Variants in PEAK1 observed in about 807,000 individuals in gnomAD.
PEAK1 encodes the protein inactive tyrosine-protein kinase PEAK1.
Under a neutral mutation model 124.7 loss-of-function variants are expected in PEAK1, and 54 were observed. The observed-to-expected ratio is 0.43, with a 90% CI of 0.35 to 0.54. The LOEUF is 0.54. PEAK1 is among the 20% of genes least tolerant of loss of function. The pLI, the probability that PEAK1 is intolerant of heterozygous loss-of-function variation, is 0.01. For missense variants in PEAK1, 2,046 were observed against 2,134.5 expected (o/e 0.96, Z 0.82); for synonymous variants, 719 against 760.0 (o/e 0.95, Z 0.89).
intron 2 of PEAK1, chr15:77,350,896 T>C: frequency 1.0e-6 from 1 of 985,390 alleles, no homozygotes; most frequent in African/African-American, 1.7e-5. Context: ...ACGCAGGCAT[T>C]TACTACAAAC....
intron 5 of PEAK1, chr15:77,255,257 T>C (rs1182382669): frequency 3.1e-6 from 2 of 639,840 alleles, no homozygotes; most frequent in Non-Finnish European, 3.9e-6. Flanking sequence ...ATTAATTATT[T>C]ATTCCTGTGT....
At chr15:77,354,946 G>A (rs942633205) in intron 2 of PEAK1, among the ~76,000 whole-genome samples, 3 of 152,148 alleles carry the variant, frequency 2.0e-5, no homozygotes, top group Middle Eastern at 3.4e-3. Context: ...GGCTGAGGCA[G>A]GAGAATGGCG....
At chr15:77,408,928 G>A (rs1249583021) in intron 1 of PEAK1, among the ~76,000 whole-genome samples, 3 of 152,054 alleles carry the variant, frequency 2.0e-5, no homozygotes, top group East Asian at 1.9e-4. Context: ...AAAATTAGCC[G>A]GATGTGGTGG....
Position 77,181,766 on chromosome 15 carries a change from C to T in PEAK1, c.161G>A (p.Arg54His), listed in dbSNP as rs757569539. The T allele has an allele frequency of 1.5e-5, 24 of 1,613,918 alleles. No individual in the cohort carries two copies. In the East Asian group the frequency reaches 1.8e-4, roughly 12 times the overall value. ...KTNANHSNNH[R>H]IRNTGNFRPP... is the part of the protein sequence containing the mutation. ...CCGGAAATTGCCCGTGTTCCTGATG[C>T]GGTGGTTGTTACTGTGATTGGCATT... The change falls in exon 7 of 10, where the codon CGC becomes CAC. Residue 54 changes from arginine to histidine, a missense_variant. Transcript: ENST00000682557.
rs1343438709 is a variant in PEAK1, at chr15:77,381,291, T to C, written c.-665-16066A>G. 6 of 926,124 alleles carry C rather than the reference T, an allele frequency of 6.5e-6. No homozygotes were observed. In the African/African-American group the frequency reaches 1.1e-4, roughly 17 times the overall value. The allele number at this position is 926,124 out of a possible 1,614,324, so 57.4% of individuals were successfully genotyped here. On this transcript the variant is annotated intron_variant, in intron 1 of 9. Transcript: ENST00000682557. ...ATGGCCAGATGCAGTGATGTGTACT[T>C]GTAGTTCAAGTTACGTGGGAGACTG...
chr15:77,200,920 C>A (rs1430475144), intron 6 of PEAK1, among the ~76,000 whole-genome samples: 1 of 151,952 alleles, frequency 6.6e-6, no homozygotes, highest in East Asian at 1.9e-4. Flanking sequence ...TTAGGTAGTA[C>A]ATATACATAT....
At chr15:77,239,562 C>G (rs1395642480) in intron 6 of PEAK1, among the ~76,000 whole-genome samples, 3 of 152,152 alleles carry the variant, frequency 2.0e-5, no homozygotes, top group Non-Finnish European at 2.9e-5. Context: ...ACAGCATATG[C>G]TTATTAAATG....
chr15:77,351,595 G>T, intron 2 of PEAK1: 1 of 541,894 alleles, frequency 1.8e-6, no homozygotes, highest in Non-Finnish European at 2.4e-6. Flanking sequence ...GAGCCCGTAT[G>T]CTCAGGCCCA....
At chr15:77,264,774 C>A (rs1217253080) in intron 5 of PEAK1, among the ~76,000 whole-genome samples, 1 of 151,864 alleles carries the variant, frequency 6.6e-6, no homozygotes, top group Non-Finnish European at 1.5e-5. Context: ...CATATGAAAC[C>A]AAAAAAGAGC....
chr15:77,224,855 T>C (rs2059557751), intron 6 of PEAK1, among the ~76,000 whole-genome samples: 1 of 151,960 alleles, frequency 6.6e-6, no homozygotes, highest in African/African-American at 2.4e-5. Context: ...ATTTTTTTTC[T>C]CTGTGGTGAT....
chr15:77,403,315 C>T (rs1345682531), intron 1 of PEAK1: 1 of 956,968 alleles, frequency 1.0e-6, no homozygotes, highest in Non-Finnish European at 1.2e-6. Flanking sequence ...AAGTGCTAAA[C>T]ATGTTTTAAA....
intron 1 of PEAK1, among the ~76,000 whole-genome samples, chr15:77,409,797 T>C (rs2072244326): frequency 6.6e-6 from 1 of 152,210 alleles, no homozygotes; most frequent in African/African-American, 2.4e-5. Flanking sequence ...AACTGAACAC[T>C]TGTATATATG....
intron 7 of PEAK1, among the ~76,000 whole-genome samples, chr15:77,171,802 C>T (rs891602520): frequency 7.9e-5 from 12 of 152,168 alleles, no homozygotes; most frequent in African/African-American, 2.9e-4. Context: ...TAATTAAGTG[C>T]ATTATGTATA....
rs1360665267 is a variant in PEAK1, at chr15:77,331,250, C to T, written c.-603+33913G>A. 5.7e-5 allele frequency: 9 copies of T among 157,318 alleles called. No homozygotes were observed. In the Admixed American group the frequency reaches 5.9e-4, roughly 10 times the overall value. The allele number at this position is 157,318 out of a possible 1,614,324, so 9.7% of individuals were successfully genotyped here. On this transcript the variant is annotated intron_variant, in intron 2 of 9. Transcript: ENST00000682557. ...GCGCAACTGATTCTCATGCCTTGGACTCCCCAATAGCTGGGACTACAGGCA... is the reference window on the plus strand; with the variant it reads ...GCGCAACTGATTCTCATGCCTTGGATTCCCCAATAGCTGGGACTACAGGCA...
chr15:77,394,344 G>A (rs986244417), intron 1 of PEAK1, among the ~76,000 whole-genome samples: 4 of 152,220 alleles, frequency 2.6e-5, no homozygotes, highest in Non-Finnish European at 5.9e-5. Flanking sequence ...CATGCTGACC[G>A]CAGGTCTGAC....
chr15:77,395,651 C>A (rs1030163151), intron 1 of PEAK1, among the ~76,000 whole-genome samples: 1 of 151,196 alleles, frequency 6.6e-6, no homozygotes, highest in Non-Finnish European at 1.5e-5. Context: ...ACAAGAGGCA[C>A]AACATATTTA....
At chr15:77,404,784 T>A in intron 1 of PEAK1, 1 of 971,652 alleles carries the variant, frequency 1.0e-6, no homozygotes, top group South Asian at 4.8e-5. Context: ...GGTTATCAGA[T>A]TATTAAAGGT....
At chr15:77,267,850 C>T (rs753186972) in intron 5 of PEAK1, among the ~76,000 whole-genome samples, 5 of 151,932 alleles carry the variant, frequency 3.3e-5, no homozygotes, top group Non-Finnish European at 7.4e-5. Context: ...GCAATGGATC[C>T]GAACCAGGAA....
intron 6 of PEAK1, among the ~76,000 whole-genome samples, chr15:77,251,092 T>C (rs545353325): frequency 7.9e-5 from 12 of 152,296 alleles, no homozygotes; most frequent in East Asian, 1.9e-4. Flanking sequence ...TATCAAGACA[T>C]AGTGACTCAA....
Sources: gnomAD v4.1 joint callset for allele counts (sites outside exome capture counted in the v4.1 genomes callset) on GRCh38, gnomAD v4.1.1 for gene constraint, MANE v1.5 for transcripts, NCBI Gene and HGNC (gene_info 2026-07-23, HGNC 2026-07-21) for gene names.